Variants in CCDC3 observed in about 807,000 individuals in gnomAD.
CCDC3 encodes the protein coiled-coil domain-containing protein 3.
In CCDC3, 24 loss-of-function variants were observed where a neutral mutation model predicts 21.4. The ratio of observed to expected loss-of-function variants is 1.12; its 90% CI spans 0.81 to 1.58. The LOEUF (loss-of-function observed/expected upper bound fraction) is 1.58. CCDC3 is among the 40% of genes most tolerant of loss of function. The pLI, the probability that CCDC3 is intolerant of heterozygous loss-of-function variation, is 0.00. For synonymous variants in CCDC3, 186 were observed against 166.0 expected (o/e 1.12, Z -0.93); for missense variants, 425 against 360.9 (o/e 1.18, Z -1.44).
chr10:13,064,493 C>T (rs919706451), intron 4 of CCDC3, among the ~76,000 whole-genome samples: 3 of 152,152 alleles, frequency 2.0e-5, no homozygotes, highest in African/African-American at 7.2e-5. Context: ...AGGAGATCCT[C>T]ACGACATGTG....
rs1038246969 is a variant in CCDC3 at position 13,051,294 on chromosome 10, A to T, written c.-269-1353T>A. 1.3e-4 allele frequency among the ~76,000 whole-genome samples: 20 copies of T among 152,208 alleles called. 1 individual carries two copies. The highest frequency in any genetic ancestry group is 1.3e-3 in the Admixed American group (20 of 15,280). On this transcript the variant is annotated intron_variant, in intron 4 of 6. Transcript: ENST00000378839. ...GCCACTCCAGCGCTGGTTCAGCATA[A>T]GCTAACACCCACGACCCTAGGCCCT...
intron 2 of CCDC3, among the ~76,000 whole-genome samples, chr10:12,983,983 G>C (rs1441740490): frequency 6.6e-6 from 1 of 152,196 alleles, no homozygotes; most frequent in African/African-American, 2.4e-5. Flanking sequence ...GGGAGACTGA[G>C]GTGGGAGAAT....
intron 3 of CCDC3, among the ~76,000 whole-genome samples, chr10:13,082,533 G>A (rs958312296): frequency 3.3e-5 from 5 of 152,222 alleles, no homozygotes; most frequent in Non-Finnish European, 5.9e-5. Flanking sequence ...CTGATGTCAG[G>A]CCTTCCACAA....
At chr10:12,958,159 C>T (rs1473158011) in intron 2 of CCDC3, among the ~76,000 whole-genome samples, 1 of 152,080 alleles carries the variant, frequency 6.6e-6, no homozygotes. Context: ...TACCCAGTCT[C>T]AGATATTTCT....
rs10653974 is a variant in CCDC3 at position 13,040,687 on chromosome 10, TCACACACA to T, written c.-2+8979_-2+8986del. 6.9e-3 allele frequency among the ~76,000 whole-genome samples: 986 copies of T among 142,836 alleles called. 16 individuals carry two copies. The highest frequency in any genetic ancestry group is 0.029 in the East Asian group (145 of 4,922). 93.7% of individuals were successfully genotyped at this position (142,836 alleles called of 152,430 possible). On this transcript the variant is annotated intron_variant, in intron 5 of 6. Transcript: ENST00000378839. ...CCTGGGCAACAAGAGCAAAACTCTGTCACACACACACACACACACACACACACACACAC... is the reference window on the plus strand; with the variant it reads ...CCTGGGCAACAAGAGCAAAACTCTGTCACACACACACACACACACACACAC...
At chr10:12,973,506 G>A (rs184971558) in intron 2 of CCDC3, among the ~76,000 whole-genome samples, 1 of 152,308 alleles carries the variant, frequency 6.6e-6, no homozygotes, top group Admixed American at 6.5e-5. Flanking sequence ...GGTCTGTTCA[G>A]GAAAATGTAG....
chr10:13,068,340 C>T (rs1474216323), intron 4 of CCDC3, among the ~76,000 whole-genome samples: 3 of 151,736 alleles, frequency 2.0e-5, no homozygotes, highest in South Asian at 2.1e-4. Flanking sequence ...AAATATGTGT[C>T]GTGTATGTGA....
chr10:12,954,170 C>T (rs375071121), intron 2 of CCDC3, among the ~76,000 whole-genome samples: 3 of 152,328 alleles, frequency 2.0e-5, no homozygotes, highest in African/African-American at 7.2e-5. Context: ...CTATAGTCTA[C>T]TGGCCTCTGA....
At chr10:12,990,560 A>G (rs1363313703) in intron 2 of CCDC3, among the ~76,000 whole-genome samples, 1 of 152,246 alleles carries the variant, frequency 6.6e-6, no homozygotes, top group African/African-American at 2.4e-5. Flanking sequence ...CACTTCAAAG[A>G]AAACAACTGA....
chr10:13,087,877 G>T (rs2131452573), intron 3 of CCDC3, among the ~76,000 whole-genome samples: 1 of 152,334 alleles, frequency 6.6e-6, no homozygotes, highest in East Asian at 1.9e-4. Context: ...TGGTCCTCCA[G>T]ACTTTGGATG....
chr10:12,927,203 A>C (rs1834556722), intron 2 of CCDC3, among the ~76,000 whole-genome samples: 1 of 152,218 alleles, frequency 6.6e-6, no homozygotes, highest in African/African-American at 2.4e-5. Flanking sequence ...CCACTACTAC[A>C]AGAATTCTAG....
intron 2 of CCDC3, among the ~76,000 whole-genome samples, chr10:12,964,928 A>G (rs899628487): frequency 6.6e-6 from 1 of 152,216 alleles, no homozygotes; most frequent in Non-Finnish European, 1.5e-5. Flanking sequence ...AACTTGAAAA[A>G]CAGTACATGC....
At chr10:13,072,125 T>C (rs115304807) in intron 4 of CCDC3, among the ~76,000 whole-genome samples, 140 of 152,328 alleles carry the variant, frequency 9.2e-4, no homozygotes, top group African/African-American at 3.1e-3. Context: ...TTTTTTGAGC[T>C]GTCCTTACCG....
intron 2 of CCDC3, among the ~76,000 whole-genome samples, chr10:12,916,322 C>T (rs138336556): frequency 0.012 from 1,884 of 151,924 alleles, 12 homozygotes; most frequent in Middle Eastern, 0.075. Flanking sequence ...ATCCCAGCTA[C>T]TCAGGAGGCT....
intron 5 of CCDC3, among the ~76,000 whole-genome samples, chr10:13,021,705 A>C (rs189471632): frequency 6.6e-6 from 1 of 152,264 alleles, no homozygotes; most frequent in East Asian, 1.9e-4. Flanking sequence ...GATATTGTAC[A>C]GGGATGGGAT....
rs1834181376 is a variant in CCDC3, at chr10:12,906,872, C to T, written c.550-8193G>A. Among the ~76,000 whole-genome samples, 3 of 152,204 alleles carry T rather than the reference C, an allele frequency of 2.0e-5. No homozygotes were observed. In the South Asian group the frequency reaches 6.2e-4, roughly 32 times the overall value. ...ACCTTTGCTGCTGGAACTCCTCCTC[C>T]CTCAGCATCCTAGGTCCTCTTGAGT... On this transcript the variant is annotated intron_variant, in intron 2 of 2. Coordinates refer to ENST00000378825, the MANE Select transcript of CCDC3 (RefSeq NM_031455.4).
chr10:12,927,700 C>T (rs778198388), intron 2 of CCDC3, among the ~76,000 whole-genome samples: 20 of 152,138 alleles, frequency 1.3e-4, no homozygotes, highest in Non-Finnish European at 2.6e-4. Context: ...CACACTTTGT[C>T]CCAAAACACG....
chr10:13,050,649 C>CG (rs1457968955), intron 4 of CCDC3, among the ~76,000 whole-genome samples: 1 of 151,682 alleles, frequency 6.6e-6, no homozygotes, highest in Non-Finnish European at 1.5e-5. Flanking sequence ...TTAGTAGAGA[C>CG]GGGGTTTCAC....
intron 2 of CCDC3, among the ~76,000 whole-genome samples, chr10:12,951,665 T>C (rs1835009729): frequency 6.6e-6 from 1 of 151,372 alleles, no homozygotes; most frequent in Admixed American, 6.6e-5. Flanking sequence ...ATTAGCTGGG[T>C]GTGATGGCAT....
Sources: allele counts gnomAD v4.1 joint callset (sites outside exome capture counted in the v4.1 genomes callset), GRCh38; gene constraint gnomAD v4.1.1; transcripts MANE v1.5; gene names NCBI Gene and HGNC (gene_info 2026-07-23, HGNC 2026-07-21).